The following GCN1 variants were observed in gnomAD, a reference collection of about 807,000 sequenced individuals.
The protein encoded by GCN1 is GCN1 activator of EIF2AK4.
GCN1 carries 90 observed loss-of-function variants against 288.4 expected under a neutral mutation model. The observed-to-expected ratio is 0.31, with a 90% confidence interval of 0.26 to 0.37. GCN1 has a LOEUF of 0.37. GCN1 is among the 10% of genes least tolerant of loss of function. The pLI, the probability that GCN1 is intolerant of heterozygous loss-of-function variation, is 1.00. For missense variants in GCN1, 2,586 were observed against 3,419.9 expected (o/e 0.76, Z 6.08); for synonymous variants, 1,386 against 1,420.2 (o/e 0.98, Z 0.54).
rs1230658189 is a variant in GCN1 at position 120,153,804 on chromosome 12, G to C, written c.3807C>G (p.His1269Gln). The change falls in exon 32 of 58, where the codon CAC becomes CAG. Residue 1269 changes from histidine to glutamine, a missense_variant. By Grantham distance (24) the His-to-Gln change is conservative. This residue lies in a region of GCN1 where 332 missense variants were observed against 403.0 expected (regional missense o/e 0.82). Coordinates refer to ENST00000300648, the MANE Select transcript of GCN1 (RefSeq NM_006836.2). This position sits in a 1 kb window ranked among gnomAD's most constrained non-coding sequence, Gnocchi z 4.4. ...FFVPDALNDR[H>Q]PDVRKCMLDA... The stretch of plus-strand genomic sequence containing the variant: ...CCAACATGCACTTCCGGACATCTGG[G>C]TGTCGGTCATTGAGGGCATCAGGGA... The C allele has an allele frequency of 6.2e-7, 1 of 1,613,994 alleles. No homozygotes were observed. Among genetic ancestry groups the C allele is most frequent in the African/African-American group, 1.3e-5 (1 of 74,930 alleles).
At chr12:120,171,013 C>T (rs1482138829) in intron 14 of GCN1, among the ~76,000 whole-genome samples, 5 of 151,538 alleles carry the variant, frequency 3.3e-5, no homozygotes, top group South Asian at 4.2e-4. Flanking sequence ...GGGTGGTGCA[C>T]GCCTGTAATC....
chr12:120,128,796 T>C (rs1185516314), intron 57 of GCN1, among the ~76,000 whole-genome samples: 18 of 150,128 alleles, frequency 1.2e-4, no homozygotes, highest in Admixed American at 2.0e-4. Context: ...CTGAAAACCA[T>C]GGGAATGTAT....
chr12:120,179,325 G>C (rs1357066541), intron 5 of GCN1, among the ~76,000 whole-genome samples: 2 of 151,852 alleles, frequency 1.3e-5, no homozygotes, highest in Non-Finnish European at 2.9e-5. Context: ...CCACCTCCCG[G>C]GTTCAAGTGA....
At position 120,184,714 on chromosome 12, in the gene GCN1, G is replaced by A. The variant is rs1878767994; in HGVS notation, c.185+110C>T. On this transcript the variant is annotated intron_variant, in intron 3 of 57. Transcript: ENST00000300648. ...GATCTAATGGCTAGGATGTGACATA[G>A]CCCAGATTTGGCACCAGGCAGTCTG... The A allele has an allele frequency of 5.0e-6, 4 of 798,210 alleles. No individual in the cohort carries two copies. The East Asian group carries it at 9.7e-5, about 19-fold the overall frequency. 49.4% of individuals were successfully genotyped at this position (798,210 alleles called of 1,614,324 possible).
At chr12:120,145,623 G>T (rs2139096094) in intron 38 of GCN1, among the ~76,000 whole-genome samples, 1 of 152,274 alleles carries the variant, frequency 6.6e-6, no homozygotes, top group African/African-American at 2.4e-5. Flanking sequence ...TAGGACCAAG[G>T]CCTGTCCAGA....
intron 1 of GCN1, among the ~76,000 whole-genome samples, chr12:120,191,036 A>G (rs1379290899): frequency 6.6e-6 from 1 of 152,212 alleles, no homozygotes; most frequent in African/African-American, 2.4e-5. Context: ...TGCGGACAAT[A>G]GCAGCTACCT....
chr12:120,184,083 C>T, intron 4 of GCN1, 29 bp downstream of exon 4: 1 of 1,599,468 alleles, frequency 6.3e-7, no homozygotes, highest in Non-Finnish European at 8.5e-7. Flanking sequence ...TGTACCAATT[C>T]TCAGGGGGCC....
At position 120,175,728 on chromosome 12, in the gene GCN1, C is replaced by T; in HGVS notation, c.1042+18G>A. On this transcript the variant is annotated intron_variant, in intron 11 of 57. Coordinates refer to ENST00000300648, the MANE Select transcript of GCN1 (RefSeq NM_006836.2). ...GGCCACGCCTCAACCACCCGCATGG[C>T]CAAGAAGGCTTGCTCACCTCCGAGG... The T allele has an allele frequency of 6.2e-7, 1 of 1,606,040 alleles. No individual in the cohort carries two copies. Among genetic ancestry groups the T allele is most frequent in the Non-Finnish European group, 8.5e-7 (1 of 1,177,034 alleles).
rs200284000 is a variant in GCN1 at position 120,155,353 on chromosome 12, G to A, written c.3518C>T (p.Ala1173Val). 458 of 1,613,982 alleles carry A rather than the reference G, an allele frequency of 2.8e-4. 1 individual carries two copies. Among genetic ancestry groups the A allele is most frequent in the African/African-American group, 1.2e-3 (88 of 74,906 alleles). The change falls in exon 30 of 58, where the codon GCG becomes GTG. Residue 1173 changes from alanine (A) to valine (V), a missense_variant. Physicochemically the swap from Ala to Val is moderately conservative, Grantham distance 64. Transcript: ENST00000300648. This position sits in a 1 kb window ranked among gnomAD's most constrained non-coding sequence, Gnocchi z 4.9. ...TTCGGCCCCTGCCTGCCTTACAGCCGCCTCATGATAGATCACGTCGTCAAT... is the reference window on the plus strand; with the variant it reads ...TTCGGCCCCTGCCTGCCTTACAGCCACCTCATGATAGATCACGTCGTCAAT... ...LLIDDVIYHE[A>V]AVRQAGAEAL...
chr12:120,160,110 G>A (rs769501084), intron 23 of GCN1, 32 bp downstream of exon 23: 25 of 1,594,018 alleles, frequency 1.6e-5, no homozygotes, highest in Middle Eastern at 1.7e-4. Context: ...GCACTCTTCC[G>A]GCTTGAGCAT....
chr12:120,186,374 C>CAA lies in GCN1; in HGVS notation c.122-1489_122-1488dup, dbSNP rs1018649165. ...CAGGAGACAGAGCGAGACTCCATCT[C>CAA]AAAAAAAAAAAAAGAGTGCTCAATA... On this transcript the variant is annotated intron_variant, in intron 2 of 57. Coordinates refer to ENST00000300648, the MANE Select transcript of GCN1 (RefSeq NM_006836.2). Among the ~76,000 whole-genome samples, 3 of 130,970 alleles carry CAA rather than the reference C, an allele frequency of 2.3e-5. No individual in the cohort carries two copies. The East Asian group carries it at 6.5e-4, about 28-fold the overall frequency. The allele number at this position is 130,970 out of a possible 152,430, so 85.9% of individuals were successfully genotyped here.
intron 54 of GCN1, among the ~76,000 whole-genome samples, 156 bp from the exon 55 acceptor site, chr12:120,131,489 G>C (rs1876821171): frequency 6.6e-6 from 1 of 152,178 alleles, no homozygotes; most frequent in Non-Finnish European, 1.5e-5. Flanking sequence ...CTGCTATCTT[G>C]GCAGAAGCTC....
intron 16 of GCN1, 60 bp downstream of exon 16, chr12:120,168,148 A>G: frequency 9.6e-7 from 1 of 1,041,306 alleles, no homozygotes. Context: ...GTCCTCTCTG[A>G]AGATTTTCCA....
intron 38 of GCN1, 142 bp downstream of exon 38, chr12:120,146,910 A>C (rs1365838223): frequency 1.4e-5 from 7 of 494,526 alleles, no homozygotes; most frequent in Non-Finnish European, 2.1e-5. Flanking sequence ...TTTCCACCAC[A>C]AAATGGCTCA....
Position 120,175,201 on chromosome 12 carries a change from T to C in GCN1, c.1054A>G (p.Lys352Glu), listed in dbSNP as rs200388350. The C allele has an allele frequency of 6.2e-7, 1 of 1,613,040 alleles. No homozygotes were observed. The highest frequency in any genetic ancestry group is 8.5e-7 in the Non-Finnish European group (1 of 1,179,532). Reference sequence around the variant, plus strand: ...ATCTTCTGGGCTACAACAGTTAGTTTTCCTTCCGAGCCTGAGAAGAGAGAC... The same window carrying C: ...ATCTTCTGGGCTACAACAGTTAGTTCTCCTTCCGAGCCTGAGAAGAGAGAC... ...LFAILGGSEG[K>E]LTVVAQKMSV... is the part of the protein sequence containing the mutation. The change falls in exon 12 of 58, where the codon AAA (lysine) becomes GAA (glutamate). Residue 352 changes from lysine (K) to glutamate (E), a missense_variant. By Grantham distance (56) the Lys-to-Glu change is moderately conservative. Transcript: ENST00000300648.
Position 120,129,443 on chromosome 12 carries a change from A to G in GCN1, c.7723T>C (p.Trp2575Arg). 6.2e-7 allele frequency: 1 copy of G among 1,614,122 alleles called. No individual in the cohort carries two copies. The highest frequency in any genetic ancestry group is 8.5e-7 in the Non-Finnish European group (1 of 1,179,974). ...GGCAGTGGGTCCTTATTTGCCCACC[A>G]GATCATCTTCTCAGCCACCAGCCTG... is the stretch of plus-strand genomic sequence containing the variant. ...DIRLVAEKMI[W>R]WANKDPLPPL... The change falls in exon 57 of 58, where the codon TGG becomes CGG. Residue 2575 changes from tryptophan (W) to arginine (R), a missense_variant. Trp to Arg is a moderately radical substitution (Grantham distance 101). This residue lies in a region of GCN1 where 355 missense variants were observed against 431.1 expected (regional missense o/e 0.82). Coordinates refer to ENST00000300648, the MANE Select transcript of GCN1 (RefSeq NM_006836.2).
At chr12:120,133,165 G>C (rs7957942) in intron 53 of GCN1, among the ~76,000 whole-genome samples, 4 of 152,300 alleles carry the variant, frequency 2.6e-5, no homozygotes, top group Admixed American at 6.5e-5. Context: ...AAGTGCAGCA[G>C]CAAGTGTGTG....
At chr12:120,131,905 G>A (rs769498739) in intron 54 of GCN1, 21 bp downstream of exon 54, 14 of 1,507,774 alleles carry the variant, frequency 9.3e-6, no homozygotes, top group Admixed American at 1.8e-5. Context: ...TCCCTGAAGG[G>A]GAACTCTCCA....
chr12:120,190,459 G>A (rs1878968700), intron 1 of GCN1, 59 bp from the exon 2 acceptor site: 7 of 891,784 alleles, frequency 7.8e-6, no homozygotes, highest in African/African-American at 1.6e-5. Context: ...ATGAGTGTGT[G>A]TGTTGAGGGG....
Sources: allele counts gnomAD v4.1 joint callset (sites outside exome capture counted in the v4.1 genomes callset), GRCh38; gene constraint gnomAD v4.1.1; regional missense constraint gnomAD v4.1.1; non-coding constraint Gnocchi (gnomAD v3.1); transcripts MANE v1.5; gene names NCBI Gene and HGNC (gene_info 2026-07-23, HGNC 2026-07-21).